NOTCH2NLC: variants seen among roughly 807,000 people sequenced by gnomAD.
NOTCH2NLC encodes notch homolog 2 N-terminal-like protein C.
NOTCH2NLC carries 4 observed loss-of-function variants against 17.7 expected under a neutral mutation model. That is an observed-to-expected ratio of 0.23 (90% confidence interval 0.11 to 0.52). NOTCH2NLC has a LOEUF of 0.52. Among genes scored for constraint, NOTCH2NLC ranks in the 20% least tolerant of loss-of-function variants. The pLI is 0.96. For synonymous variants in NOTCH2NLC, 18 were observed against 86.0 expected (o/e 0.21, Z 4.38); for missense variants, 57 against 207.2 (o/e 0.28, Z 4.45).
At chr1:149,449,132 C>T (rs1485659583) in intron 2 of NOTCH2NLC, among the ~76,000 whole-genome samples, 16 of 150,554 alleles carry the variant, frequency 1.1e-4, no homozygotes, top group African/African-American at 3.7e-4. Flanking sequence ...CTGCCTGCCT[C>T]GGCCTCCCAA....
intron 1 of NOTCH2NLC, among the ~76,000 whole-genome samples, chr1:149,412,028 ATTGC>A (rs2084300655): frequency 1.0e-5 from 1 of 99,112 alleles, no homozygotes; most frequent in Non-Finnish European, 2.0e-5. Flanking sequence ...AGGCAGGAGG[ATTGC>A]TTGAGCCCCA....
In NOTCH2NLC at chr1:149,418,843, A is replaced by G. The variant is rs1368996076; in HGVS notation, c.136-12099A>G. ...AGCTCCAGAATCTGTCTTCTGGTGG[A>G]ATTCCCTTAGGCTTCCAGACAGGAG... On this transcript the variant is annotated intron_variant, in intron 1 of 4. Transcript: ENST00000650865. 2.7e-5 allele frequency among the ~76,000 whole-genome samples: 4 copies of G among 147,534 alleles called. No individual in the cohort carries two copies. The East Asian group carries it at 8.3e-4, about 31-fold the overall frequency.
At chr1:149,396,030 C>T (rs1249164979) in intron 1 of NOTCH2NLC, among the ~76,000 whole-genome samples, 4 of 151,310 alleles carry the variant, frequency 2.6e-5, no homozygotes, top group Non-Finnish European at 4.4e-5. Flanking sequence ...GTCAACTGAG[C>T]GGCAGGTCTT....
At chr1:149,401,487 TGG>T (rs2084245942) in intron 1 of NOTCH2NLC, among the ~76,000 whole-genome samples, 1 of 148,706 alleles carries the variant, frequency 6.7e-6, no homozygotes, top group African/African-American at 2.5e-5. Flanking sequence ...TTATGTCCAC[TGG>T]TCTTTGTTTC....
chr1:149,393,206 C>A (rs1321319733), intron 1 of NOTCH2NLC, among the ~76,000 whole-genome samples: 1 of 149,686 alleles, frequency 6.7e-6, no homozygotes, highest in Non-Finnish European at 1.5e-5. Flanking sequence ...TGAGGTGCTG[C>A]GATTATTAGC....
At chr1:149,442,092 C>T (rs1180478954) in intron 2 of NOTCH2NLC, among the ~76,000 whole-genome samples, 2 of 150,448 alleles carry the variant, frequency 1.3e-5, no homozygotes, top group African/African-American at 2.4e-5. Flanking sequence ...CAGATTCCAT[C>T]GAGGCTGAAA....
chr1:149,424,782 C>T (rs2084403521), intron 1 of NOTCH2NLC, among the ~76,000 whole-genome samples: 1 of 151,046 alleles, frequency 6.6e-6, no homozygotes, highest in African/African-American at 2.4e-5. Context: ...GGTGAGGGCC[C>T]AAAAAACTTT....
chr1:149,394,490 A>G (rs1203262897), intron 1 of NOTCH2NLC, among the ~76,000 whole-genome samples: 2 of 150,954 alleles, frequency 1.3e-5, no homozygotes, highest in Non-Finnish European at 3.0e-5. Flanking sequence ...ACCCTTTAGA[A>G]GGGCTTCATA....
chr1:149,424,521 T>C (rs1470187894), intron 1 of NOTCH2NLC, among the ~76,000 whole-genome samples: 1 of 150,970 alleles, frequency 6.6e-6, no homozygotes, highest in African/African-American at 2.4e-5. Context: ...ATGCTGACAG[T>C]AGTTTCTTGA....
At position 149,464,699 on chromosome 1, in the gene NOTCH2NLC, C is replaced by G. The variant is rs1461290124; in HGVS notation, c.*546C>G. On this transcript the variant is annotated 3_prime_UTR_variant, in exon 5 of 5. Coordinates refer to ENST00000650865, the MANE Select transcript of NOTCH2NLC (RefSeq NM_001364013.2). ...TTGATTGGGAACAGAATACAAGCAG[C>G]TGAAGCAGATGAATTACTAAGCAAC... The G allele has an allele frequency of 6.7e-6, 1 of 149,898 alleles. No homozygotes were observed. Among genetic ancestry groups the G allele is most frequent in the East Asian group, 2.0e-4 (1 of 4,924 alleles). 9.3% of individuals were successfully genotyped at this position (149,898 alleles called of 1,614,324 possible). A position where few individuals can be genotyped will look rare whatever the true frequency, so the allele number is the denominator to read the frequency against.
At chr1:149,438,926 G>T (rs1456884362) in intron 2 of NOTCH2NLC, among the ~76,000 whole-genome samples, 2 of 148,402 alleles carry the variant, frequency 1.3e-5, no homozygotes, top group African/African-American at 2.5e-5. Context: ...ATGTTGCTCA[G>T]GCTGGTCTCA....
At position 149,469,602 on chromosome 1, in the gene NOTCH2NLC, TA is replaced by T. The variant is rs1473666055; in HGVS notation, c.*5452del. ...TCTTCTGTGTGGGGATGACAGGTTC[TA>T]AAGACTCTTTTCTGGTCCCTGCCCT... On this transcript the variant is annotated 3_prime_UTR_variant, in exon 5 of 5. Transcript: ENST00000650865. Among the ~76,000 whole-genome samples, 2 of 81,430 alleles carry T rather than the reference TA, an allele frequency of 2.5e-5. No individual in the cohort carries two copies. Among genetic ancestry groups the T allele is most frequent in the Non-Finnish European group, 4.9e-5 (2 of 40,878 alleles). 53.4% of individuals were successfully genotyped at this position (81,430 alleles called of 152,430 possible). A position where few individuals can be genotyped will look rare whatever the true frequency, so the allele number is the denominator to read the frequency against.
intron 1 of NOTCH2NLC, among the ~76,000 whole-genome samples, chr1:149,421,142 A>AT (rs2084376865): frequency 9.1e-6 from 1 of 109,650 alleles, no homozygotes; most frequent in African/African-American, 3.6e-5. Context: ...ATATTTATAA[A>AT]TTTTTTTCCA....
rs1188974771 is a variant in NOTCH2NLC at position 149,428,743 on chromosome 1, C to T, written c.136-2199C>T. Among the ~76,000 whole-genome samples the T allele has an allele frequency of 5.4e-5, 8 of 147,638 alleles. 1 individual carries two copies. The highest frequency in any genetic ancestry group is 7.6e-5 in the Non-Finnish European group (5 of 66,006). ...GAAATTGAGCCCCCATGAAGTTGTG[C>T]TTTGCTTGCAGTTAGGGGTACAGAC... On this transcript the variant is annotated intron_variant, in intron 1 of 4. Transcript: ENST00000650865.
chr1:149,426,926 A>T lies in NOTCH2NLC; in HGVS notation c.136-4016A>T, dbSNP rs1163254533. On this transcript the variant is annotated intron_variant, in intron 1 of 4. Transcript: ENST00000650865. ...CATGGCTTCAGGTTATCAAAGTTTT[A>T]ATTTCTCTTTGTATGGAAGATAATT... Among the ~76,000 whole-genome samples the T allele has an allele frequency of 7.1e-3, 1,064 of 150,556 alleles. 26 individuals carry two copies. Among genetic ancestry groups the T allele is most frequent in the Admixed American group, 0.011 (168 of 15,050 alleles).
intron 1 of NOTCH2NLC, among the ~76,000 whole-genome samples, chr1:149,419,901 G>C (rs1223825132): frequency 3.7e-5 from 4 of 107,412 alleles, no homozygotes; most frequent in African/African-American, 7.3e-5. Context: ...GAGTCTTGCT[G>C]TGTCGCCCAG....
chr1:149,435,922 T>C (rs1462419304), intron 2 of NOTCH2NLC, among the ~76,000 whole-genome samples: 1,944 of 150,238 alleles, frequency 0.013, 92 homozygotes, highest in Middle Eastern at 0.041. Flanking sequence ...AACAAAACTG[T>C]AAATGTGGGT....
intron 2 of NOTCH2NLC, among the ~76,000 whole-genome samples, chr1:149,449,782 G>C (rs2084581093): frequency 1.3e-5 from 2 of 151,408 alleles, no homozygotes; most frequent in Admixed American, 1.3e-4. Flanking sequence ...CTGCTTAGTA[G>C]TCACTGTCTA....
intron 2 of NOTCH2NLC, among the ~76,000 whole-genome samples, chr1:149,454,759 C>G (rs1428994961): frequency 6.6e-6 from 1 of 150,494 alleles, no homozygotes; most frequent in Non-Finnish European, 1.5e-5. Flanking sequence ...AACTAGGTAT[C>G]AGCCAATTGA....
Sources: gnomAD v4.1 joint callset for allele counts (sites outside exome capture counted in the v4.1 genomes callset) on GRCh38, gnomAD v4.1.1 for gene constraint, MANE v1.5 for transcripts, NCBI Gene and HGNC (gene_info 2026-07-23, HGNC 2026-07-21) for gene names.